STXBP5L: variants seen among roughly 807,000 people sequenced by gnomAD.
STXBP5L encodes syntaxin binding protein 5L.
In STXBP5L, 65 loss-of-function variants were observed where a neutral mutation model predicts 144.5. The observed-to-expected ratio is 0.45, with a 90% CI of 0.37 to 0.55. The LOEUF is 0.55. Ranked by LOEUF, STXBP5L falls within the 20% of genes least tolerant of loss-of-function variation. The pLI, the probability that STXBP5L is intolerant of heterozygous loss-of-function variation, is 0.00. For synonymous variants in STXBP5L, 505 were observed against 469.6 expected (o/e 1.08, Z -0.97); for missense variants, 1,298 against 1,405.5 (o/e 0.92, Z 1.22).
At chr3:121,210,947 GT>G (rs1188575619) in intron 10 of STXBP5L, among the ~76,000 whole-genome samples, 2 of 152,122 alleles carry the variant, frequency 1.3e-5, no homozygotes, top group Non-Finnish European at 2.9e-5. Context: ...CTTTAAAGTA[GT>G]TTTTTTCAAT....
intron 10 of STXBP5L, among the ~76,000 whole-genome samples, chr3:121,222,542 A>T (rs1322364317): frequency 1.3e-5 from 2 of 152,120 alleles, no homozygotes; most frequent in Non-Finnish European, 2.9e-5. Flanking sequence ...TGCCATTCTG[A>T]GCTTTCCACT....
At position 120,961,441 on chromosome 3, in the gene STXBP5L, A is replaced by C. The variant is rs1938805057; in HGVS notation, c.287+6404A>C. On this transcript the variant is annotated intron_variant, in intron 3 of 26. Transcript: ENST00000471454. ...CTCCCCCAGCCCTCGTCCCCCAACG[A>C]GGCCCCAGTGTGTGATGTTCCCCGC... Among the ~76,000 whole-genome samples, 3 of 151,804 alleles carry C rather than the reference A, an allele frequency of 2.0e-5. 1 individual carries two copies. The South Asian group carries it at 6.2e-4, about 32-fold the overall frequency.
intron 5 of STXBP5L, 145 bp downstream of exon 5, chr3:121,045,680 C>G: frequency 1.3e-6 from 1 of 748,224 alleles, no homozygotes; most frequent in Non-Finnish European, 2.1e-6. Context: ...ATAGTGTTTT[C>G]TTTTTTGTAG....
intron 3 of STXBP5L, 50 bp from the exon 4 acceptor site, chr3:121,041,650 A>T: frequency 7.5e-7 from 1 of 1,335,616 alleles, no homozygotes; most frequent in Non-Finnish European, 1.1e-6. Flanking sequence ...TTTGCTCATT[A>T]ATATTGGTGC....
At chr3:120,919,155 G>T (rs144809614) in intron 2 of STXBP5L, among the ~76,000 whole-genome samples, 1 of 152,028 alleles carries the variant, frequency 6.6e-6, no homozygotes, top group Non-Finnish European at 1.5e-5. Flanking sequence ...GATTCTCAAC[G>T]TTACTGATTT....
chr3:121,203,284 T>G (rs907860011), intron 9 of STXBP5L, among the ~76,000 whole-genome samples: 2 of 152,180 alleles, frequency 1.3e-5, no homozygotes, highest in East Asian at 1.9e-4. Context: ...ATTTTGTACC[T>G]CATTAACATT....
chr3:120,955,773 C>T (rs1261287851), intron 3 of STXBP5L, among the ~76,000 whole-genome samples: 1 of 151,914 alleles, frequency 6.6e-6, no homozygotes, highest in African/African-American at 2.4e-5. Context: ...TCATATTGCT[C>T]TTTTATGGTC....
At chr3:121,064,021 A>G (rs2041418729) in intron 5 of STXBP5L, among the ~76,000 whole-genome samples, 1 of 152,054 alleles carries the variant, frequency 6.6e-6, no homozygotes, top group South Asian at 2.1e-4. Flanking sequence ...TGGCATTCCA[A>G]GCGCCACTGA....
intron 7 of STXBP5L, among the ~76,000 whole-genome samples, chr3:121,139,775 A>G (rs1406152567): frequency 6.6e-6 from 1 of 152,042 alleles, no homozygotes; most frequent in African/African-American, 2.4e-5. Flanking sequence ...TGCAAAGGAA[A>G]CCGTACTTAG....
At chr3:121,331,726 C>T (rs540032711) in intron 20 of STXBP5L, among the ~76,000 whole-genome samples, 1 of 152,296 alleles carries the variant, frequency 6.6e-6, no homozygotes, top group East Asian at 1.9e-4. Context: ...CATACTTTAG[C>T]TACATCTGGT....
chr3:120,991,650 C>A (rs556181026), intron 3 of STXBP5L, among the ~76,000 whole-genome samples: 1 of 152,114 alleles, frequency 6.6e-6, no homozygotes, highest in African/African-American at 2.4e-5. Flanking sequence ...ACTGTGCAGC[C>A]ATAAAAAATG....
At chr3:121,315,146 A>G (rs2043736894) in intron 19 of STXBP5L, among the ~76,000 whole-genome samples, 1 of 152,140 alleles carries the variant, frequency 6.6e-6, no homozygotes, top group Admixed American at 6.5e-5. Context: ...TATATACCCA[A>G]AGGATTATAA....
In STXBP5L at chr3:121,418,398, T is replaced by A. The variant is rs1277431933; in HGVS notation, c.3288T>A (p.Gly1096=). The A allele has an allele frequency of 6.2e-7, 1 of 1,613,846 alleles. No homozygotes were observed. Reference sequence around the variant, plus strand: ...TTGCGCAACACATTCCTGGACCAGGTAGTATAGAAGGGATGAAAGGCGCTG... The same window carrying A: ...TTGCGCAACACATTCCTGGACCAGGAAGTATAGAAGGGATGAAAGGCGCTG... The part of the protein sequence containing the change: ...RSLAQHIPGP[G]SIEGMKGAAG... The change falls in exon 26 of 27, where the codon GGT becomes GGA. Residue 1096 remains glycine, a synonymous_variant. Transcript: ENST00000471454.
intron 3 of STXBP5L, among the ~76,000 whole-genome samples, chr3:120,994,220 A>G (rs1943158186): frequency 6.6e-6 from 1 of 151,990 alleles, no homozygotes; most frequent in Non-Finnish European, 1.5e-5. Context: ...TCTGAATATA[A>G]GATTATTTCT....
chr3:121,317,393 A>C (rs1262972016), intron 19 of STXBP5L, among the ~76,000 whole-genome samples: 4 of 152,166 alleles, frequency 2.6e-5, no homozygotes, highest in African/African-American at 9.6e-5. Flanking sequence ...ATAGTTTCTC[A>C]CTTATAAAAC....
intron 3 of STXBP5L, among the ~76,000 whole-genome samples, chr3:121,004,452 T>C (rs1944084396): frequency 6.6e-6 from 1 of 151,806 alleles, no homozygotes; most frequent in African/African-American, 2.4e-5. Context: ...GATTTGGGGC[T>C]GAGACAATGG....
rs564831506 is a variant in STXBP5L at position 121,006,648 on chromosome 3, A to G, written c.288-35052A>G. The stretch of plus-strand genomic sequence containing the variant: ...TTGATACAGTTTCTTCCTAGTATCA[A>G]TGGTCTTTACAATTTGGCATGTTTT... On this transcript the variant is annotated intron_variant, in intron 3 of 26. Transcript: ENST00000471454. 3.2e-4 allele frequency among the ~76,000 whole-genome samples: 48 copies of G among 152,254 alleles called. 1 individual carries two copies. The South Asian group carries it at 8.1e-3, about 26-fold the overall frequency.
intron 9 of STXBP5L, among the ~76,000 whole-genome samples, chr3:121,204,784 T>A (rs2048273863): frequency 6.6e-6 from 1 of 152,054 alleles, no homozygotes; most frequent in African/African-American, 2.4e-5. Flanking sequence ...TTAACCAAAA[T>A]GAGAAAGAAT....
At chr3:120,968,226 ACAGT>A (rs1939826701) in intron 3 of STXBP5L, among the ~76,000 whole-genome samples, 1 of 152,082 alleles carries the variant, frequency 6.6e-6, no homozygotes, top group South Asian at 2.1e-4. Flanking sequence ...TTATTGTGTC[ACAGT>A]CAGTCTCTCT....
Sources: gnomAD v4.1 joint callset for allele counts (sites outside exome capture counted in the v4.1 genomes callset) on GRCh38, gnomAD v4.1.1 for gene constraint, MANE v1.5 for transcripts, NCBI Gene and HGNC (gene_info 2026-07-23, HGNC 2026-07-21) for gene names.